The following TENM1 variants were observed in gnomAD, a reference collection of about 807,000 sequenced individuals.
TENM1 encodes teneurin-1.
In TENM1, 35 loss-of-function variants were observed where a neutral mutation model predicts 174.8. The ratio of observed to expected loss-of-function variants is 0.20; its 90% CI spans 0.15 to 0.27. TENM1 has a LOEUF of 0.27. Among genes scored for constraint, TENM1 ranks in the 10% least tolerant of loss-of-function variants. The pLI is 1.00. For missense variants in TENM1, 1,633 were observed against 2,130.1 expected, an observed-to-expected ratio of 0.77 and a Z score of 4.59; for synonymous variants, 781 against 798.7, an observed-to-expected ratio of 0.98 and a Z score of 0.37.
intron 11 of TENM1, among the ~76,000 whole-genome samples, chrX:124,577,179 C>T (rs1296177904): frequency 9.0e-6 from 1 of 111,626 alleles, no homozygotes; most frequent in Non-Finnish European, 1.9e-5. Context: ...AGAGACGATA[C>T]TAGCAATCAT....
chrX:124,393,972 G>A (rs1223004367), intron 27 of TENM1, among the ~76,000 whole-genome samples: 1 of 112,364 alleles, frequency 8.9e-6, no homozygotes, highest in Non-Finnish European at 1.9e-5. Context: ...TCCATATACA[G>A]GTACTTGGTA....
intron 1 of TENM1, among the ~76,000 whole-genome samples, chrX:124,914,448 G>A (rs1435274550): frequency 9.0e-6 from 1 of 111,517 alleles, no homozygotes. Context: ...TTGAATGAAA[G>A]AGGGTAGAGT....
At chrX:124,462,822 C>T (rs978840766) in intron 22 of TENM1, among the ~76,000 whole-genome samples, 10 of 111,648 alleles carry the variant, frequency 9.0e-5, no homozygotes, top group African/African-American at 3.3e-4. Context: ...CTACCTTGAA[C>T]AAAATAAAGC....
At chrX:124,985,737 G>GA in the TENM1 span, among the ~76,000 whole-genome samples, 6 of 110,912 alleles carry the variant, frequency 5.4e-5, no homozygotes, top group Admixed American at 9.6e-5. Context: ...CAGTTTAAGG[G>GA]AAAAAAAACT....
At chrX:124,743,862 C>A in intron 3 of TENM1, among the ~76,000 whole-genome samples, 1 of 111,947 alleles carries the variant, frequency 8.9e-6, no homozygotes, top group East Asian at 2.8e-4. Flanking sequence ...TGATACTCAT[C>A]TTTAGAGGGA....
At chrX:124,408,993 A>T (rs1173074427) in intron 25 of TENM1, among the ~76,000 whole-genome samples, 1 of 109,471 alleles carries the variant, frequency 9.1e-6, no homozygotes, top group Non-Finnish European at 1.9e-5. Flanking sequence ...TACAAAGGAC[A>T]TGAACTCATC....
chrX:124,722,541 T>C (rs2053335767), intron 4 of TENM1, among the ~76,000 whole-genome samples: 1 of 111,011 alleles, frequency 9.0e-6, no homozygotes, highest in South Asian at 3.9e-4. Flanking sequence ...AAGGTGAGGA[T>C]TAATAAATCC....
the TENM1 span, among the ~76,000 whole-genome samples, chrX:125,148,743 C>T: frequency 8.9e-6 from 1 of 111,808 alleles, no homozygotes; most frequent in Non-Finnish European, 1.9e-5. Context: ...GCCTTGGGAT[C>T]ATTCTTCTCT....
rs16999392 is a variant in TENM1, at chrX:124,705,630, T to C, written c.777-379A>G. Reference sequence around the variant, plus strand: ...AGGCATTTTGATCATTAGAATGGCCTAGACACCAGTGTTTGAGATTATCCT... The same window carrying C: ...AGGCATTTTGATCATTAGAATGGCCCAGACACCAGTGTTTGAGATTATCCT... On this transcript the variant is annotated intron_variant, in intron 4 of 31. Transcript: ENST00000422452. Among the ~76,000 whole-genome samples, 904 of 111,651 alleles carry C rather than the reference T, an allele frequency of 8.1e-3. 9 individuals are homozygous for C. Among genetic ancestry groups the C allele is most frequent in the African/African-American group, 0.028 (869 of 30,705 alleles).
chrX:124,813,994 A>AATTAGTATAG (rs1186473219), intron 3 of TENM1, among the ~76,000 whole-genome samples: 1 of 111,888 alleles, frequency 8.9e-6, no homozygotes, highest in African/African-American at 3.2e-5. Context: ...TTCTTAACAG[A>AATTAGTATAG]ATTAGTATAG....
the TENM1 span, among the ~76,000 whole-genome samples, chrX:125,010,067 C>T: frequency 9.0e-6 from 1 of 111,357 alleles, no homozygotes; most frequent in Non-Finnish European, 1.9e-5. Context: ...GAAGGGTATT[C>T]AAATAGGAAG....
the TENM1 span, among the ~76,000 whole-genome samples, chrX:124,997,529 A>G: frequency 1.8e-5 from 2 of 111,687 alleles, no homozygotes; most frequent in Admixed American, 9.5e-5. Flanking sequence ...TGGCTGTTTC[A>G]TTACTTTGCA....
chrX:124,772,129 T>G (rs1017717685), intron 3 of TENM1, among the ~76,000 whole-genome samples: 2 of 109,572 alleles, frequency 1.8e-5, no homozygotes, highest in Non-Finnish European at 3.8e-5. Flanking sequence ...CCAAATCCCC[T>G]ATATTCTTTC....
the TENM1 span, among the ~76,000 whole-genome samples, chrX:125,122,601 A>T: frequency 9.0e-6 from 1 of 111,660 alleles, no homozygotes; most frequent in Admixed American, 9.5e-5. Context: ...CTTGATACCT[A>T]CTCATTGCCA....
intron 11 of TENM1, among the ~76,000 whole-genome samples, chrX:124,617,516 A>G (rs1460296182): frequency 1.8e-5 from 2 of 111,648 alleles, no homozygotes; most frequent in African/African-American, 6.5e-5. Context: ...TGATCAAGTA[A>G]AGGTTGGCAG....
chrX:124,585,849 C>G (rs7058403), intron 11 of TENM1, among the ~76,000 whole-genome samples: 44,012 of 109,268 alleles, frequency 0.4, 7,525 homozygotes, highest in East Asian at 0.8. Flanking sequence ...AAATGACAAA[C>G]GGGATATCAC....
At chrX:124,629,115 T>A (rs1460198147) in intron 11 of TENM1, among the ~76,000 whole-genome samples, 1 of 112,621 alleles carries the variant, frequency 8.9e-6, no homozygotes, top group African/African-American at 3.2e-5. Context: ...CTTGTTTATC[T>A]CTTTTTTTCC....
intron 3 of TENM1, among the ~76,000 whole-genome samples, chrX:124,812,516 A>G (rs2055805262): frequency 9.0e-6 from 1 of 111,454 alleles, no homozygotes. Flanking sequence ...TAGTATCATT[A>G]TCACAAAACT....
At position 124,766,505 on chromosome X, in the gene TENM1, C is replaced by T. The variant is rs889681502; in HGVS notation, c.536-29308G>A. On this transcript the variant is annotated intron_variant, in intron 3 of 31. Transcript: ENST00000422452. Reference sequence around the variant, plus strand: ...GGTGAGAAAAATAAATTAAAAGTCACTGTTCTATACCATGTTGCCTATTAA... The same window carrying T: ...GGTGAGAAAAATAAATTAAAAGTCATTGTTCTATACCATGTTGCCTATTAA... Among the ~76,000 whole-genome samples, 4 of 111,432 alleles carry T rather than the reference C, an allele frequency of 3.6e-5. No homozygotes were observed. The Admixed American group carries it at 3.8e-4, about 11-fold the overall frequency.
Sources: allele counts gnomAD v4.1 joint callset (sites outside exome capture counted in the v4.1 genomes callset), GRCh38; gene constraint gnomAD v4.1.1; transcripts MANE v1.5; gene names NCBI Gene and HGNC (gene_info 2026-07-23, HGNC 2026-07-21).